VPS13B: variants seen among roughly 807,000 people sequenced by gnomAD.
VPS13B encodes the protein vacuolar protein sorting 13 homolog B.
VPS13B carries 285 observed loss-of-function variants against 426.4 expected under a neutral mutation model. The ratio of observed to expected loss-of-function variants is 0.67; its 90% confidence interval spans 0.61 to 0.74. The LOEUF is 0.74. Ranked by LOEUF, VPS13B falls within the 30% of genes least tolerant of loss-of-function variation. VPS13B has a pLI of 0.00. For synonymous variants in VPS13B, 1,676 were observed against 1,676.4 expected, an observed-to-expected ratio of 1.00 and a Z score of 0.01; for missense variants, 4,537 against 4,782.6, an observed-to-expected ratio of 0.95 and a Z score of 1.51.
intron 54 of VPS13B, among the ~76,000 whole-genome samples, chr8:99,845,039 C>T (rs1406969794): frequency 6.6e-6 from 1 of 152,174 alleles, no homozygotes; most frequent in South Asian, 2.1e-4. Context: ...TCTCAAGCAA[C>T]AGTTTTACTG....
At chr8:99,237,563 A>T (rs1489048768) in intron 17 of VPS13B, among the ~76,000 whole-genome samples, 5 of 152,206 alleles carry the variant, frequency 3.3e-5, no homozygotes, top group African/African-American at 1.2e-4. Flanking sequence ...TAAACATTTG[A>T]TAAAATTAAT....
chr8:99,630,404 T>A (rs936902618), intron 33 of VPS13B, among the ~76,000 whole-genome samples: 4 of 152,092 alleles, frequency 2.6e-5, no homozygotes, highest in African/African-American at 4.8e-5. Flanking sequence ...TTTCAACAAG[T>A]CCAAATCCTG....
At chr8:99,187,370 A>C (rs1480555519) in intron 16 of VPS13B, among the ~76,000 whole-genome samples, 1 of 152,234 alleles carries the variant, frequency 6.6e-6, no homozygotes, top group Non-Finnish European at 1.5e-5. Context: ...GGAAAAGCGA[A>C]AGGAAATAAT....
chr8:99,642,274 G>T lies in VPS13B; in HGVS notation c.5684G>T (p.Ser1895Ile), dbSNP rs1563840420. 1 of 1,614,184 alleles carries T rather than the reference G, an allele frequency of 6.2e-7. No individual in the cohort carries two copies. Among genetic ancestry groups the T allele is most frequent in the South Asian group, 1.1e-5 (1 of 91,092 alleles). ...AAAATAGGGGTCCTCTCTCTTGAAA[G>T]TCTTCATGCATCCACAAGGTCATCT... ...GKKIGVLSLE[S>I]LHASTRSSAR... Residue 1895 changes from serine (S) to isoleucine (I), a missense_variant, in exon 34 of 62, where the codon AGT becomes ATT. Physicochemically the swap from Ser to Ile is moderately radical, Grantham distance 142. This residue lies in a region of VPS13B where 4,311 missense variants were observed against 4,474.3 expected (regional missense o/e 0.96). Coordinates refer to ENST00000357162, the MANE Select transcript of VPS13B (RefSeq NM_152564.5).
chr8:99,336,712 AGAC>A (rs1810896337), intron 19 of VPS13B, among the ~76,000 whole-genome samples: 1 of 152,242 alleles, frequency 6.6e-6, no homozygotes, highest in Non-Finnish European at 1.5e-5. Flanking sequence ...GGATATGAAC[AGAC>A]ACTTCTCAAA....
intron 17 of VPS13B, among the ~76,000 whole-genome samples, chr8:99,205,736 A>G (rs893961448): frequency 6.6e-6 from 1 of 152,132 alleles, no homozygotes; most frequent in African/African-American, 2.4e-5. Flanking sequence ...TTTTTTACAG[A>G]TGGGAACATT....
intron 51 of VPS13B, among the ~76,000 whole-genome samples, chr8:99,828,394 G>GCTTTTTTTT (rs1563495224): frequency 1.7e-4 from 3 of 17,446 alleles, no homozygotes; most frequent in East Asian, 3.8e-3. Context: ...TACAACCACC[G>GCTTTTTTTT]TTTTTTTTTT....
chr8:99,068,828 C>G (rs900210555), intron 3 of VPS13B, among the ~76,000 whole-genome samples: 2 of 152,064 alleles, frequency 1.3e-5, no homozygotes, highest in Non-Finnish European at 2.9e-5. Context: ...CACCAGGTCC[C>G]TCATTTGATT....
chr8:99,045,136 T>A (rs1255307623), intron 3 of VPS13B, among the ~76,000 whole-genome samples: 1 of 152,186 alleles, frequency 6.6e-6, no homozygotes, highest in African/African-American at 2.4e-5. Context: ...CACACCATTT[T>A]CTATAGTGGT....
intron 17 of VPS13B, among the ~76,000 whole-genome samples, chr8:99,262,001 G>A (rs1204263577): frequency 6.6e-6 from 1 of 152,130 alleles, no homozygotes; most frequent in Non-Finnish European, 1.5e-5. Flanking sequence ...TTAAAAAAAA[G>A]AATTACATGT....
intron 35 of VPS13B, among the ~76,000 whole-genome samples, chr8:99,664,726 A>G (rs1830401417): frequency 6.6e-6 from 1 of 152,220 alleles, no homozygotes; most frequent in Non-Finnish European, 1.5e-5. Context: ...GTTGTTGGAC[A>G]TTCAGGTTGG....
At chr8:99,642,523 G>A (rs1243414968) in intron 34 of VPS13B, 25 bp downstream of exon 34, 2 of 1,577,996 alleles carry the variant, frequency 1.3e-6, no homozygotes, top group Non-Finnish European at 1.7e-6. Flanking sequence ...ACTTACTGGA[G>A]TGCTAATAAT....
chr8:99,845,879 G>A (rs1416708074), intron 54 of VPS13B, among the ~76,000 whole-genome samples: 1 of 152,164 alleles, frequency 6.6e-6, no homozygotes, highest in East Asian at 1.9e-4. Context: ...ATTCACAATA[G>A]CAGGCAGTGG....
chr8:99,566,375 C>T (rs557975410), intron 31 of VPS13B, among the ~76,000 whole-genome samples: 2 of 152,006 alleles, frequency 1.3e-5, no homozygotes, highest in Admixed American at 6.5e-5. Flanking sequence ...TAGATAATGC[C>T]TTGATTCATT....
intron 19 of VPS13B, among the ~76,000 whole-genome samples, chr8:99,325,465 A>G (rs1810198407): frequency 6.6e-6 from 1 of 152,214 alleles, no homozygotes; most frequent in African/African-American, 2.4e-5. Flanking sequence ...TAGTGAAACA[A>G]ACTGTTTTCA....
chr8:99,223,900 A>G (rs1432839156), intron 17 of VPS13B, among the ~76,000 whole-genome samples: 1 of 152,220 alleles, frequency 6.6e-6, no homozygotes, highest in Non-Finnish European at 1.5e-5. Context: ...CCACTTCTGC[A>G]CCTGCTTCTG....
At chr8:99,818,983 G>GGGGGGGGGGGGGGGT in intron 47 of VPS13B, 95 bp downstream of exon 47, 1 of 384,874 alleles carries the variant, frequency 2.6e-6, no homozygotes, top group Non-Finnish European at 5.3e-6. Context: ...GGAGGGGTGG[G>GGGGGGGGGGGGGGGT]TAGGGAGATG....
intron 35 of VPS13B, among the ~76,000 whole-genome samples, chr8:99,684,299 A>G (rs1001865069): frequency 2.0e-5 from 3 of 152,192 alleles, no homozygotes; most frequent in Admixed American, 6.5e-5. Flanking sequence ...AGTATCGGTA[A>G]TGATGGTCTC....
chr8:99,821,600 T>G lies in VPS13B; in HGVS notation c.9183+118T>G. The G allele has an allele frequency of 4.1e-6, 5 of 1,210,042 alleles. No homozygotes were observed. The South Asian group carries it at 6.3e-5, about 15-fold the overall frequency. The allele number at this position is 1,210,042 out of a possible 1,614,324, so 75.0% of individuals were successfully genotyped here. A position where few individuals can be genotyped will look rare whatever the true frequency, so the allele number is the denominator to read the frequency against. On this transcript the variant is annotated intron_variant, in intron 50 of 61. Transcript: ENST00000357162. ...TTCATATTACTTCTTCTAAACAATT[T>G]ATAACAGTACATTTGATTTCTTAAC... is the stretch of plus-strand genomic sequence containing the variant.
Sources: gnomAD v4.1 joint callset for allele counts (sites outside exome capture counted in the v4.1 genomes callset) on GRCh38, gnomAD v4.1.1 for gene constraint, gnomAD v4.1.1 regional missense constraint, MANE v1.5 for transcripts, NCBI Gene and HGNC (gene_info 2026-07-23, HGNC 2026-07-21) for gene names.